Variants in RALYL observed in about 807,000 individuals in gnomAD.
The protein encoded by RALYL is RALY RNA binding protein like.
Under a neutral mutation model 35.1 loss-of-function variants are expected in RALYL, and 29 were observed. That is an observed-to-expected ratio of 0.83 (90% CI 0.61 to 1.13). The LOEUF is 1.13. Among genes scored for constraint, RALYL ranks in the 50% most tolerant of loss-of-function variants. The probability of loss-of-function intolerance (pLI) is 0.00; values close to 1 mark genes in which losing one functional copy is unlikely to be tolerated. For missense variants in RALYL, 359 were observed against 360.4 expected (o/e 1.00, Z 0.03); for synonymous variants, 120 against 127.6 (o/e 0.94, Z 0.40).
chr8:84,710,689 T>A (rs1264358078), intron 2 of RALYL, among the ~76,000 whole-genome samples: 1 of 152,142 alleles, frequency 6.6e-6, no homozygotes, highest in African/African-American at 2.4e-5. Context: ...AATCTCTAAG[T>A]TTCTTTCATA....
intron 2 of RALYL, among the ~76,000 whole-genome samples, chr8:84,578,641 C>A (rs551243885): frequency 6.6e-6 from 1 of 152,168 alleles, no homozygotes; most frequent in East Asian, 1.9e-4. Flanking sequence ...AGAAAGGAGA[C>A]CCAAAGTGGG....
intron 1 of RALYL, among the ~76,000 whole-genome samples, chr8:84,263,758 TCCCCGACCTCA>T (rs1196215865): frequency 5.3e-5 from 8 of 152,018 alleles, no homozygotes; most frequent in Non-Finnish European, 1.2e-4. Flanking sequence ...ACTCTATCCT[TCCCCGACCTCA>T]CCCCGACACA....
Position 84,315,035 on chromosome 8 carries a change from G to T in RALYL, c.-24+130611G>T, listed in dbSNP as rs189110213. On this transcript the variant is annotated intron_variant, in intron 1 of 8. Transcript: ENST00000521268. ...ACAACTGTTATTGAAATTACCATGC[G>T]CATCTGAAAATTTTTCTGTGGGTAC... 9.2e-5 allele frequency among the ~76,000 whole-genome samples: 14 copies of T among 152,216 alleles called. No individual in the cohort carries two copies. The East Asian group carries it at 2.7e-3, about 29-fold the overall frequency.
chr8:84,455,168 T>C (rs2133268362), intron 1 of RALYL, among the ~76,000 whole-genome samples: 1 of 152,132 alleles, frequency 6.6e-6, no homozygotes, highest in East Asian at 1.9e-4. Context: ...GCTGAGTTCA[T>C]CGGTCTCCTT....
intron 2 of RALYL, among the ~76,000 whole-genome samples, chr8:84,615,570 C>CTTTTTTTTTTTTTTTTTTTGT (rs1819335708): frequency 1.5e-5 from 1 of 67,364 alleles, no homozygotes; most frequent in Non-Finnish European, 2.7e-5. Context: ...GAACTTTCGT[C>CTTTTTTTTTTTTTTTTTTTGT]TTTTTTTTTT....
At chr8:84,490,079 ATGTGTGTGTG>A (rs143193843) in intron 1 of RALYL, among the ~76,000 whole-genome samples, 110 of 144,470 alleles carry the variant, frequency 7.6e-4, no homozygotes, top group Non-Finnish European at 1.4e-3. Context: ...GCTTGCGTGC[ATGTGTGTGTG>A]TGTGTGTGTG....
At chr8:84,348,455 G>A (rs1850255815) in intron 1 of RALYL, among the ~76,000 whole-genome samples, 1 of 151,906 alleles carries the variant, frequency 6.6e-6, no homozygotes, top group Non-Finnish European at 1.5e-5. Context: ...TTCCTCCCAG[G>A]CTATTTTGCA....
At chr8:84,473,604 G>A (rs1054352414) in intron 1 of RALYL, among the ~76,000 whole-genome samples, 50 of 151,354 alleles carry the variant, frequency 3.3e-4, no homozygotes, top group African/African-American at 1.2e-3. Context: ...TCCTTATGTG[G>A]CAAATTAGTT....
intron 2 of RALYL, among the ~76,000 whole-genome samples, chr8:84,706,211 T>C (rs1841182257): frequency 6.6e-6 from 1 of 152,158 alleles, no homozygotes; most frequent in Admixed American, 6.5e-5. Context: ...TCTTTATTCC[T>C]GTAACATGCA....
At chr8:84,785,930 T>C (rs1220469317) in intron 3 of RALYL, among the ~76,000 whole-genome samples, 1 of 152,224 alleles carries the variant, frequency 6.6e-6, no homozygotes, top group African/African-American at 2.4e-5. Flanking sequence ...ACCCATCACC[T>C]AGGTATTAAG....
At chr8:84,869,457 C>T (rs1266498343) in intron 6 of RALYL, among the ~76,000 whole-genome samples, 2 of 152,026 alleles carry the variant, frequency 1.3e-5, no homozygotes, top group East Asian at 3.9e-4. Flanking sequence ...AAACATTTTT[C>T]AGTTTTCTAA....
chr8:84,281,071 A>G lies in RALYL; in HGVS notation c.-24+96647A>G, dbSNP rs750138646. Among the ~76,000 whole-genome samples the G allele has an allele frequency of 3.0e-4, 45 of 152,134 alleles. 2 individuals are homozygous for G. The highest frequency in any genetic ancestry group is 5.2e-4 in the Admixed American group (8 of 15,258). ...AAGCTGATAGCTATGCAGCACTTTC[A>G]TTAGCACTGGAAAGTGGTGTTAGCA... On this transcript the variant is annotated intron_variant, in intron 1 of 8. Coordinates refer to ENST00000521268, the MANE Select transcript of RALYL (RefSeq NM_173848.7).
chr8:84,614,843 T>C lies in RALYL; in HGVS notation c.256+85266T>C, dbSNP rs905522590. ...ATATTTTCTAAAATCTTATAAAATA[T>C]GCTGGTAGATTTGAACCCACAGAAC... is the stretch of plus-strand genomic sequence containing the variant. On this transcript the variant is annotated intron_variant, in intron 2 of 8. Coordinates refer to ENST00000521268, the MANE Select transcript of RALYL (RefSeq NM_173848.7). Among the ~76,000 whole-genome samples the C allele has an allele frequency of 2.0e-5, 3 of 150,682 alleles. No homozygotes were observed. The East Asian group carries it at 5.9e-4, about 30-fold the overall frequency.
chr8:84,470,107 G>A (rs572657935), intron 1 of RALYL, among the ~76,000 whole-genome samples: 95 of 152,252 alleles, frequency 6.2e-4, no homozygotes, highest in Non-Finnish European at 8.1e-4. Flanking sequence ...CTTCTGCGTC[G>A]CTCACGCTGG....
chr8:84,563,640 T>G (rs1039921673), intron 2 of RALYL, among the ~76,000 whole-genome samples: 5 of 151,718 alleles, frequency 3.3e-5, no homozygotes, highest in African/African-American at 1.2e-4. Context: ...TGTTTTTATG[T>G]GCAGGAAATT....
chr8:84,501,213 T>C (rs1016984267), intron 1 of RALYL, among the ~76,000 whole-genome samples: 1 of 152,184 alleles, frequency 6.6e-6, no homozygotes, highest in Non-Finnish European at 1.5e-5. Context: ...TCTGAAACTC[T>C]TTAAGAAAGT....
chr8:84,532,248 TATG>T (rs1401080687), intron 2 of RALYL, among the ~76,000 whole-genome samples: 1 of 152,078 alleles, frequency 6.6e-6, no homozygotes, highest in African/African-American at 2.4e-5. Context: ...TGTTTTTTAC[TATG>T]TTGCTAGAAA....
At chr8:84,750,241 C>A (rs1809637509) in intron 2 of RALYL, among the ~76,000 whole-genome samples, 1 of 152,110 alleles carries the variant, frequency 6.6e-6, no homozygotes, top group Admixed American at 6.5e-5. Flanking sequence ...AGAATTATTT[C>A]TTTTACAAAA....
At position 84,415,785 on chromosome 8, in the gene RALYL, G is replaced by A. The variant is rs372228387; in HGVS notation, c.-23-113514G>A. Among the ~76,000 whole-genome samples the A allele has an allele frequency of 1.7e-4, 26 of 152,202 alleles. 1 individual carries two copies. In the South Asian group the frequency reaches 1.9e-3, roughly 11 times the overall value. ...AATATGTATGTATAACTGTATATGT[G>A]TATATTTATGTACTTAGTGTTTCTG... On this transcript the variant is annotated intron_variant, in intron 1 of 8. Coordinates refer to ENST00000521268, the MANE Select transcript of RALYL (RefSeq NM_173848.7).
Sources: gnomAD v4.1 joint callset for allele counts (sites outside exome capture counted in the v4.1 genomes callset) on GRCh38, gnomAD v4.1.1 for gene constraint, MANE v1.5 for transcripts, NCBI Gene and HGNC (gene_info 2026-07-23, HGNC 2026-07-21) for gene names.